ZNF385D: variants seen among roughly 807,000 people sequenced by gnomAD.
ZNF385D encodes zinc finger protein 659.
In ZNF385D, 15 loss-of-function variants were observed where a neutral mutation model predicts 35.8. The observed-to-expected ratio is 0.42, with a 90% confidence interval of 0.28 to 0.64. The LOEUF (loss-of-function observed/expected upper bound fraction) is 0.64. ZNF385D is among the 30% of genes least tolerant of loss of function. The pLI is 0.23. For missense variants in ZNF385D, 474 were observed against 494.6 expected (o/e 0.96, Z 0.39); for synonymous variants, 212 against 186.8 (o/e 1.13, Z -1.10).
chr3:21,604,747 T>A (rs542036153), intron 2 of ZNF385D, among the ~76,000 whole-genome samples: 1 of 151,906 alleles, frequency 6.6e-6, no homozygotes, highest in East Asian at 1.9e-4. Flanking sequence ...AGTGAGTAGG[T>A]GGTAAGGAAA....
intron 3 of ZNF385D, among the ~76,000 whole-genome samples, chr3:22,026,099 T>A (rs1697531744): frequency 6.6e-6 from 1 of 152,054 alleles, no homozygotes; most frequent in South Asian, 2.1e-4. Flanking sequence ...AGGTTGACAT[T>A]GATAGGAAGT....
chr3:22,371,600 GGTGACACCATTTTGGAGGCTGCAGGT>G (rs1240389826), intron 2 of ZNF385D, among the ~76,000 whole-genome samples: 3 of 152,126 alleles, frequency 2.0e-5, no homozygotes, highest in African/African-American at 7.2e-5. Flanking sequence ...TTTCACACAG[GGTGACACCATTTTGGAGGCTGCAGGT>G]GTCCTCTGAC....
chr3:21,629,368 G>A (rs181255333), intron 2 of ZNF385D, among the ~76,000 whole-genome samples: 1 of 152,204 alleles, frequency 6.6e-6, no homozygotes, highest in East Asian at 1.9e-4. Context: ...GACTTCTCAT[G>A]TCCATGTTTT....
At chr3:21,898,846 G>C (rs560384226) in intron 3 of ZNF385D, among the ~76,000 whole-genome samples, 2 of 152,148 alleles carry the variant, frequency 1.3e-5, no homozygotes, top group East Asian at 3.9e-4. Flanking sequence ...CTAAACCAAA[G>C]AAATAAAGGA....
chr3:22,094,391 T>TATATATATATCAACAATATATATTGTTG (rs1408161949), intron 3 of ZNF385D, among the ~76,000 whole-genome samples: 6 of 111,936 alleles, frequency 5.4e-5, no homozygotes, highest in African/African-American at 1.6e-4. Context: ...TGTTGATATA[T>TATATATATATCAACAATATATATTGTTG]ATATATATAT....
chr3:21,964,505 T>C (rs1161674296), intron 3 of ZNF385D, among the ~76,000 whole-genome samples: 23 of 76,410 alleles, frequency 3.0e-4, no homozygotes, highest in African/African-American at 1.1e-3. Flanking sequence ...TTTTTTTTTT[T>C]CTGAGACGGA....
intron 3 of ZNF385D, among the ~76,000 whole-genome samples, chr3:21,772,160 G>A (rs2071102897): frequency 6.6e-6 from 1 of 151,856 alleles, no homozygotes; most frequent in Non-Finnish European, 1.5e-5. Flanking sequence ...TGATCACATT[G>A]GATTTAGCCA....
At chr3:22,209,792 T>A (rs1469744050) in intron 2 of ZNF385D, among the ~76,000 whole-genome samples, 1 of 151,692 alleles carries the variant, frequency 6.6e-6, no homozygotes, top group African/African-American at 2.4e-5. Context: ...TAAGCAATAA[T>A]ATAACCACAT....
Position 21,923,184 on chromosome 3 carries a change from TC to T in ZNF385D, c.325+245632del. Among the ~76,000 whole-genome samples, 4 of 144,494 alleles carry T rather than the reference TC, an allele frequency of 2.8e-5. 1 individual carries two copies. In the South Asian group the frequency reaches 9.5e-4, roughly 34 times the overall value. 94.8% of individuals were successfully genotyped at this position (144,494 alleles called of 152,430 possible). ...ATCTCCTAATGCTATCCCTCCCCCA[TC>T]CCCCCACCCCACAACAGGCCCTGGT... On this transcript the variant is annotated intron_variant, in intron 3 of 5. Transcript: ENST00000494108.
chr3:22,225,755 C>G (rs1698516323), intron 2 of ZNF385D, among the ~76,000 whole-genome samples: 1 of 152,290 alleles, frequency 6.6e-6, no homozygotes, highest in Admixed American at 6.5e-5. Flanking sequence ...TTATTCTAAG[C>G]AAACCCAAAC....
intron 2 of ZNF385D, among the ~76,000 whole-genome samples, chr3:22,171,802 G>A (rs913426282): frequency 6.6e-6 from 1 of 151,096 alleles, no homozygotes; most frequent in Admixed American, 6.6e-5. Flanking sequence ...GAGTGAACCC[G>A]GGAGGTAGAG....
At chr3:22,212,422 T>C (rs1261159894) in intron 2 of ZNF385D, among the ~76,000 whole-genome samples, 2 of 152,074 alleles carry the variant, frequency 1.3e-5, no homozygotes, top group Non-Finnish European at 2.9e-5. Context: ...AAGAAATTGA[T>C]GAGCCCAGAT....
chr3:22,137,849 G>C (rs932371291), intron 3 of ZNF385D, among the ~76,000 whole-genome samples: 3 of 151,980 alleles, frequency 2.0e-5, no homozygotes, highest in African/African-American at 7.2e-5. Flanking sequence ...GAAATAAAGG[G>C]TATTCAATTA....
At chr3:21,500,970 G>A (rs960295423) in intron 4 of ZNF385D, among the ~76,000 whole-genome samples, 13 of 152,244 alleles carry the variant, frequency 8.5e-5, no homozygotes, top group Admixed American at 8.5e-4. Context: ...ACGTGTGCCT[G>A]GCAACACAGC....
chr3:21,443,458 T>C, intron 4 of ZNF385D: 2 of 435,398 alleles, frequency 4.6e-6, no homozygotes, highest in Non-Finnish European at 6.1e-6. Context: ...GGATGCTGTG[T>C]TAATCACAGG....
intron 2 of ZNF385D, among the ~76,000 whole-genome samples, chr3:22,268,082 G>T (rs560291427): frequency 4.7e-4 from 72 of 151,976 alleles, no homozygotes; most frequent in Non-Finnish European, 7.7e-4. Flanking sequence ...TGCAGTTTCA[G>T]GTTGTTCTAA....
At chr3:22,021,528 G>T (rs758687976) in intron 3 of ZNF385D, among the ~76,000 whole-genome samples, 11 of 152,144 alleles carry the variant, frequency 7.2e-5, no homozygotes, top group South Asian at 2.1e-4. Flanking sequence ...TTATGCCTTT[G>T]AGTAAGTTGC....
intron 2 of ZNF385D, among the ~76,000 whole-genome samples, chr3:22,236,525 CCTGT>C (rs1559470738): frequency 6.6e-6 from 1 of 152,040 alleles, no homozygotes; most frequent in African/African-American, 2.4e-5. Context: ...CAGTATTATG[CCTGT>C]CTAAATGGTC....
chr3:21,603,481 T>A (rs561819983), intron 2 of ZNF385D, among the ~76,000 whole-genome samples: 1 of 152,254 alleles, frequency 6.6e-6, no homozygotes, highest in South Asian at 2.1e-4. Context: ...TATCCATCTA[T>A]AGATATTGGT....
Sources: gnomAD v4.1 joint callset for allele counts (sites outside exome capture counted in the v4.1 genomes callset) on GRCh38, gnomAD v4.1.1 for gene constraint, MANE v1.5 for transcripts, NCBI Gene and HGNC (gene_info 2026-07-23, HGNC 2026-07-21) for gene names.